The following HS2ST1 variants were observed in gnomAD, a reference collection of about 807,000 sequenced individuals.
HS2ST1 encodes heparan sulfate 2-O-sulfotransferase 1, also known as 2-O-sulfotransferase.
Under a neutral mutation model 42.9 loss-of-function variants are expected in HS2ST1, and 18 were observed. That is an observed-to-expected ratio of 0.42 (90% CI 0.29 to 0.62). The LOEUF (loss-of-function observed/expected upper bound fraction) is 0.62. HS2ST1 is among the 20% of genes least tolerant of loss of function. The probability of loss-of-function intolerance (pLI) is 0.21; values close to 1 mark genes in which losing one functional copy is unlikely to be tolerated. For missense variants in HS2ST1, 334 were observed against 433.8 expected (o/e 0.77, Z 2.04); for synonymous variants, 146 against 152.9 (o/e 0.95, Z 0.33).
chr1:87,100,200 AAATCTAGGTGGAATCTGC>A (rs1444749901), intron 5 of HS2ST1, among the ~76,000 whole-genome samples: 3 of 152,114 alleles, frequency 2.0e-5, no homozygotes, highest in Non-Finnish European at 2.9e-5. Flanking sequence ...CCCAGTTCTG[AAATCTAGGTGGAATCTGC>A]AATCTAGGTG....
intron 1 of HS2ST1, among the ~76,000 whole-genome samples, chr1:86,980,669 T>G (rs767308634): frequency 2.9e-4 from 44 of 152,212 alleles, no homozygotes; most frequent in Non-Finnish European, 6.2e-4. Context: ...AATCCAGGGC[T>G]TATTGTGATT....
At chr1:87,036,256 T>C (rs1650373438) in intron 1 of HS2ST1, among the ~76,000 whole-genome samples, 1 of 152,158 alleles carries the variant, frequency 6.6e-6, no homozygotes, top group African/African-American at 2.4e-5. Flanking sequence ...AGTGCTGCAG[T>C]AAACATACAT....
At chr1:87,034,293 A>G (rs752249887) in intron 1 of HS2ST1, among the ~76,000 whole-genome samples, 3 of 152,222 alleles carry the variant, frequency 2.0e-5, no homozygotes, top group African/African-American at 4.8e-5. Flanking sequence ...AATTTACAGT[A>G]TACACTTGGA....
At chr1:86,915,990 A>G (rs1322200951) in intron 1 of HS2ST1, among the ~76,000 whole-genome samples, 1 of 152,224 alleles carries the variant, frequency 6.6e-6, no homozygotes, top group South Asian at 2.1e-4. Context: ...AAAGCTAACC[A>G]TATGGTTAAA....
At chr1:86,935,531 C>T (rs185346583) in intron 1 of HS2ST1, among the ~76,000 whole-genome samples, 36 of 137,020 alleles carry the variant, frequency 2.6e-4, no homozygotes, top group East Asian at 4.3e-4. Context: ...GGCACAATCT[C>T]GGCTCACTGC....
intron 4 of HS2ST1, among the ~76,000 whole-genome samples, chr1:87,097,234 A>G (rs1293126169): frequency 6.6e-6 from 1 of 152,220 alleles, no homozygotes; most frequent in Non-Finnish European, 1.5e-5. Flanking sequence ...TTTTCACTGT[A>G]GTTGGAAAGA....
intron 1 of HS2ST1, among the ~76,000 whole-genome samples, chr1:87,035,071 C>T (rs756758229): frequency 6.6e-6 from 1 of 152,094 alleles, no homozygotes; most frequent in Non-Finnish European, 1.5e-5. Flanking sequence ...GAGGCTCAGT[C>T]CATGAGCCAA....
chr1:86,959,533 C>T (rs1647767121), intron 1 of HS2ST1, among the ~76,000 whole-genome samples: 1 of 152,182 alleles, frequency 6.6e-6, no homozygotes, highest in South Asian at 2.1e-4. Flanking sequence ...TGGTGCACGT[C>T]TGTAGTCCCA....
At chr1:87,077,519 T>C (rs1406593167) in intron 2 of HS2ST1, among the ~76,000 whole-genome samples, 1 of 152,208 alleles carries the variant, frequency 6.6e-6, no homozygotes, top group Non-Finnish European at 1.5e-5. Flanking sequence ...TACATATTAA[T>C]TACCTCTTCT....
intron 1 of HS2ST1, among the ~76,000 whole-genome samples, chr1:87,047,586 T>C (rs1039447453): frequency 9.2e-5 from 14 of 152,184 alleles, no homozygotes; most frequent in Non-Finnish European, 2.9e-5. Context: ...TTTTTGTATA[T>C]GATGTGAAGA....
intron 1 of HS2ST1, among the ~76,000 whole-genome samples, chr1:87,006,099 A>G (rs552724213): frequency 6.6e-6 from 1 of 152,268 alleles, no homozygotes; most frequent in African/African-American, 2.4e-5. Flanking sequence ...ATTTTTGTGA[A>G]AATCTTGAAA....
intron 1 of HS2ST1, among the ~76,000 whole-genome samples, chr1:87,026,005 ATATTCT>A (rs1486745742): frequency 1.3e-5 from 2 of 152,194 alleles, no homozygotes; most frequent in African/African-American, 4.8e-5. Flanking sequence ...TTAAAAAAAT[ATATTCT>A]TATTCTTCTT....
At chr1:87,023,870 T>C (rs1650015124) in intron 1 of HS2ST1, among the ~76,000 whole-genome samples, 1 of 152,170 alleles carries the variant, frequency 6.6e-6, no homozygotes. Context: ...GATTTAAATA[T>C]ATCTATTGAG....
intron 1 of HS2ST1, among the ~76,000 whole-genome samples, chr1:86,974,769 G>T (rs1277866753): frequency 3.9e-5 from 6 of 152,200 alleles, no homozygotes; most frequent in African/African-American, 1.2e-4. Context: ...TGGTGTTTCT[G>T]TGTGAGTATA....
chr1:87,078,770 G>A (rs998818545), intron 2 of HS2ST1, among the ~76,000 whole-genome samples: 1 of 152,156 alleles, frequency 6.6e-6, no homozygotes, highest in Non-Finnish European at 1.5e-5. Flanking sequence ...TTACTCCTCT[G>A]TATTTTCAAA....
intron 1 of HS2ST1, among the ~76,000 whole-genome samples, chr1:86,990,677 C>T (rs1181869419): frequency 6.7e-6 from 1 of 148,570 alleles, no homozygotes; most frequent in Non-Finnish European, 1.5e-5. Context: ...GAGTTTTGCT[C>T]TTGTTGCCAA....
intron 3 of HS2ST1, among the ~76,000 whole-genome samples, chr1:87,086,616 C>T (rs1651823081): frequency 6.6e-6 from 1 of 152,040 alleles, no homozygotes. Flanking sequence ...AAAATGAACG[C>T]TCCTTTCTAG....
chr1:87,104,770 C>T lies in HS2ST1; in HGVS notation c.*74C>T. 6 of 882,102 alleles carry T rather than the reference C, an allele frequency of 6.8e-6. No homozygotes were observed. In the South Asian group the frequency reaches 8.8e-5, roughly 13 times the overall value. The allele number at this position is 882,102 out of a possible 1,614,324, so 54.6% of individuals were successfully genotyped here. ...TCACCTTTGTTCTCAGCTCCACAGT[C>T]TGGATTGCTGACAGTAGGTGTATAT... On this transcript the variant is annotated 3_prime_UTR_variant, in exon 7 of 7. Transcript: ENST00000370550.
rs536969151 is a variant in HS2ST1, at chr1:87,061,113, A to G, written c.125-11821A>G. On this transcript the variant is annotated intron_variant, in intron 1 of 6. Coordinates refer to ENST00000370550, the MANE Select transcript of HS2ST1 (RefSeq NM_012262.4). ...AAGGGCCTACAAAAATTTATTGTAC[A>G]TGAAGATACTCAATAAATATTGTTA... Among the ~76,000 whole-genome samples the G allele has an allele frequency of 5.3e-5, 8 of 152,300 alleles. No individual in the cohort carries two copies. The South Asian group carries it at 1.4e-3, about 28-fold the overall frequency.
Sources: allele counts gnomAD v4.1 joint callset (sites outside exome capture counted in the v4.1 genomes callset), GRCh38; gene constraint gnomAD v4.1.1; transcripts MANE v1.5; gene names NCBI Gene and HGNC (gene_info 2026-07-23, HGNC 2026-07-21).